The following SMPDL3B variants were observed in gnomAD, a reference collection of about 807,000 sequenced individuals.
SMPDL3B encodes the protein sphingomyelin phosphodiesterase acid like 3B, also known as acid sphingomyelinase-like phosphodiesterase 3b.
SMPDL3B carries 31 observed loss-of-function variants against 37.9 expected under a neutral mutation model. That is an observed-to-expected ratio of 0.82 (90% CI 0.61 to 1.10). The LOEUF (loss-of-function observed/expected upper bound fraction) is 1.10. SMPDL3B is among the 50% of genes least tolerant of loss of function. The probability of loss-of-function intolerance (pLI) is 0.00; values close to 1 mark genes in which losing one functional copy is unlikely to be tolerated. For missense variants in SMPDL3B, 525 were observed against 597.8 expected (o/e 0.88, Z 1.27); for synonymous variants, 235 against 242.6 (o/e 0.97, Z 0.29).
At chr1:27,942,925 G>A (rs1433979523) in intron 1 of SMPDL3B, among the ~76,000 whole-genome samples, 1 of 151,318 alleles carries the variant, frequency 6.6e-6, no homozygotes, top group Non-Finnish European at 1.5e-5. Flanking sequence ...ACCTCCCAAA[G>A]TGCTGAGATT....
intron 3 of SMPDL3B, among the ~76,000 whole-genome samples, chr1:27,950,630 T>C (rs2090448096): frequency 1.3e-5 from 2 of 152,058 alleles, no homozygotes; most frequent in Non-Finnish European, 2.9e-5. Flanking sequence ...ATTATTTTTA[T>C]TATTTTTTTA....
chr1:27,935,251 CACTGGG>C lies in SMPDL3B; in HGVS notation c.61+9_61+14del, dbSNP rs1190279522. Reference sequence around the variant, plus strand: ...GGTGCCAGGGCTGAACCAGGTACAGCACTGGGAATGTCTGCTATGCCTTTGTTTTGT... The same window carrying C: ...GGTGCCAGGGCTGAACCAGGTACAGCAATGTCTGCTATGCCTTTGTTTTGT... On this transcript the variant is annotated splice_region_variant and intron_variant, in intron 1 of 7. Coordinates refer to ENST00000373894, the MANE Select transcript of SMPDL3B (RefSeq NM_014474.4). The C allele has an allele frequency of 3.1e-6, 5 of 1,607,348 alleles. No homozygotes were observed. In the East Asian group the frequency reaches 8.9e-5, roughly 29 times the overall value.
At chr1:27,939,862 A>G (rs560499069) in intron 1 of SMPDL3B, among the ~76,000 whole-genome samples, 139 of 151,670 alleles carry the variant, frequency 9.2e-4, no homozygotes, top group Middle Eastern at 3.4e-3. Context: ...ACGGTTTTGA[A>G]CTCCTGGCCT....
At chr1:27,952,946 T>G (rs571462418) in intron 3 of SMPDL3B, among the ~76,000 whole-genome samples, 9 of 152,338 alleles carry the variant, frequency 5.9e-5, no homozygotes, top group Non-Finnish European at 1.2e-4. Flanking sequence ...TTTCCCCTTC[T>G]CATCATCTGC....
chr1:27,943,510 G>A (rs901968847), intron 1 of SMPDL3B, among the ~76,000 whole-genome samples: 5 of 152,156 alleles, frequency 3.3e-5, no homozygotes, highest in African/African-American at 1.2e-4. Context: ...AAGAAGTCCA[G>A]TCTCCCAGGC....
intron 2 of SMPDL3B, among the ~76,000 whole-genome samples, chr1:27,946,447 G>A (rs560355510): frequency 9.9e-5 from 15 of 152,266 alleles, no homozygotes; most frequent in African/African-American, 3.6e-4. Flanking sequence ...TCAGTTGTGG[G>A]GTAGATGCTA....
At chr1:27,937,689 G>A (rs919905416) in intron 1 of SMPDL3B, among the ~76,000 whole-genome samples, 3 of 152,104 alleles carry the variant, frequency 2.0e-5, no homozygotes, top group South Asian at 2.1e-4. Flanking sequence ...TTGAGGAAAC[G>A]GAGGCTGAGG....
rs12562343 is a variant in SMPDL3B at position 27,954,244 on chromosome 1, G to A, written c.518-110G>A. On this transcript the variant is annotated intron_variant, in intron 4 of 7. Coordinates refer to ENST00000373894, the MANE Select transcript of SMPDL3B (RefSeq NM_014474.4). ...TTGATGTCCCACCCATGGGAAAGAT[G>A]GGAGGGGAAGATGCAACGGAAAAAG... 1.8e-5 allele frequency: 19 copies of A among 1,047,728 alleles called. No individual in the cohort carries two copies. In the East Asian group the frequency reaches 4.5e-4, roughly 25 times the overall value. 64.9% of individuals were successfully genotyped at this position (1,047,728 alleles called of 1,614,324 possible). A position where few individuals can be genotyped will look rare whatever the true frequency, so the allele number is the denominator to read the frequency against.
intron 5 of SMPDL3B, 104 bp downstream of exon 5, chr1:27,954,630 G>C: frequency 8.9e-7 from 1 of 1,118,408 alleles, no homozygotes; most frequent in Non-Finnish European, 1.3e-6. Flanking sequence ...CCATATCCCA[G>C]AGGGTCCTTT....
chr1:27,946,426 A>G (rs1453116592), intron 2 of SMPDL3B, among the ~76,000 whole-genome samples: 1 of 152,056 alleles, frequency 6.6e-6, no homozygotes, highest in African/African-American at 2.4e-5. Context: ...TGGCAGGGCA[A>G]CAAGTCGTGC....
chr1:27,945,095 C>T lies in SMPDL3B; in HGVS notation c.62-137C>T. ...AGAGCCAGGCCTGTGGGCCTTTTCT[C>T]TGAACCCGGGGTGCTCAGAGAAGAC... On this transcript the variant is annotated intron_variant, in intron 1 of 7. Coordinates refer to ENST00000373894, the MANE Select transcript of SMPDL3B (RefSeq NM_014474.4). The surrounding 1 kb of genome is among the most constrained non-coding windows in gnomAD (Gnocchi z 4.0). 2.7e-6 allele frequency: 2 copies of T among 743,528 alleles called. No individual in the cohort carries two copies. The highest frequency in any genetic ancestry group is 3.3e-5 in the South Asian group (2 of 60,180). 46.1% of individuals were successfully genotyped at this position (743,528 alleles called of 1,614,324 possible).
intron 1 of SMPDL3B, among the ~76,000 whole-genome samples, chr1:27,941,120 A>T (rs1056046049): frequency 2.0e-5 from 3 of 152,180 alleles, no homozygotes; most frequent in Non-Finnish European, 2.9e-5. Flanking sequence ...TTAGAGCTTA[A>T]TTATTTTGAT....
At chr1:27,937,596 A>G (rs2090320847) in intron 1 of SMPDL3B, among the ~76,000 whole-genome samples, 1 of 152,222 alleles carries the variant, frequency 6.6e-6, no homozygotes, top group Non-Finnish European at 1.5e-5. Flanking sequence ...GTTATAGGCA[A>G]TAACAGACAA....
intron 1 of SMPDL3B, among the ~76,000 whole-genome samples, chr1:27,939,723 A>G (rs2090341324): frequency 6.6e-6 from 1 of 152,196 alleles, no homozygotes; most frequent in Non-Finnish European, 1.5e-5. Flanking sequence ...TGGGGGACTA[A>G]GGTGGGAGAA....
rs1638365922 is a variant in SMPDL3B, at chr1:27,958,531, G to GC, written c.1062dup (p.Trp355LeufsTer42). 2 of 1,613,784 alleles carry GC rather than the reference G, an allele frequency of 1.2e-6. No homozygotes were observed. The highest frequency in any genetic ancestry group is 1.7e-5 in the Admixed American group (1 of 60,018). ...CAGGCGAATGCTCAGGGGACGCCGC[G>GC]CTGGGAGCTCGAGTACCAGCTGACC... On this transcript the variant is annotated frameshift_variant, in exon 8 of 8. Coordinates refer to ENST00000373894, the MANE Select transcript of SMPDL3B (RefSeq NM_014474.4). LOFTEE classifies it low-confidence loss of function (END_TRUNC). The surrounding 1 kb of genome is among the most constrained non-coding windows in gnomAD (Gnocchi z 5.6).
chr1:27,953,861 G>A (rs1298840623), intron 4 of SMPDL3B, among the ~76,000 whole-genome samples: 1 of 152,234 alleles, frequency 6.6e-6, no homozygotes, highest in Non-Finnish European at 1.5e-5. Flanking sequence ...GAAGCACCTG[G>A]TTGAGAATGA....
In SMPDL3B at chr1:27,954,484, G is replaced by T; in HGVS notation, c.648G>T (p.Trp216Cys). The T allele has an allele frequency of 6.2e-7, 1 of 1,614,058 alleles. No homozygotes were observed. Among genetic ancestry groups the T allele is most frequent in the Non-Finnish European group, 8.5e-7 (1 of 1,180,032 alleles). ...DMADPGQQFQ[W>C]LEDVLTDASK... ...CGGACCCTGGCCAGCAGTTCCAGTG[G>T]CTGGAAGATGTGCTGACCGATGCAT... Residue 216 changes from tryptophan (W) to cysteine (C), a missense_variant, in exon 5 of 8, where the codon TGG (tryptophan) becomes TGT (cysteine). Physicochemically the swap from Trp to Cys is radical, Grantham distance 215 (BLOSUM62 -2). Coordinates refer to ENST00000373894, the MANE Select transcript of SMPDL3B (RefSeq NM_014474.4).
At chr1:27,941,342 T>A (rs928818028) in intron 1 of SMPDL3B, 1 of 152,192 alleles carries the variant, frequency 6.6e-6, no homozygotes, top group Admixed American at 6.5e-5. Context: ...GCTGCCAGGA[T>A]GAAATAAGAC....
chr1:27,954,390 G>A lies in SMPDL3B; in HGVS notation c.554G>A (p.Gly185Glu), dbSNP rs200498052. ...TGTGAGAAGCTGCCGGGTCCCAGCG[G>A]GGCTGGGCGAATTGTGGTCCTCAAC... The part of the protein sequence containing the change: ...FYCEKLPGPS[G>E]AGRIVVLNTN... Residue 185 changes from glycine to glutamate, a missense_variant, in exon 5 of 8, where the codon GGG (glycine) becomes GAG (glutamate). By Grantham distance (98) the Gly-to-Glu change is moderately conservative (BLOSUM62 -2). Transcript: ENST00000373894. 6.2e-6 allele frequency: 10 copies of A among 1,614,090 alleles called. No homozygotes were observed. The highest frequency in any genetic ancestry group is 8.5e-6 in the Non-Finnish European group (10 of 1,180,016).
Sources: gnomAD v4.1 joint callset for allele counts (sites outside exome capture counted in the v4.1 genomes callset) on GRCh38, gnomAD v4.1.1 for gene constraint, Gnocchi (gnomAD v3.1) non-coding constraint, MANE v1.5 for transcripts, NCBI Gene and HGNC (gene_info 2026-07-23, HGNC 2026-07-21) for gene names.